Variants in HTRA3 observed in about 807,000 individuals in gnomAD.
HTRA3 encodes the protein serine protease HTRA3.
Under a neutral mutation model 43.2 loss-of-function variants are expected in HTRA3, and 41 were observed. The ratio of observed to expected loss-of-function variants is 0.95; its 90% CI spans 0.74 to 1.23. HTRA3 has a LOEUF of 1.23. Among genes scored for constraint, HTRA3 ranks in the 50% most tolerant of loss-of-function variants. The probability of loss-of-function intolerance (pLI) is 0.00; values close to 1 mark genes in which losing one functional copy is unlikely to be tolerated. For missense variants in HTRA3, 628 were observed against 647.1 expected (o/e 0.97, Z 0.32); for synonymous variants, 295 against 287.9 (o/e 1.02, Z -0.25).
In HTRA3 at chr4:8,279,273, C is replaced by A. The variant is rs190017642; in HGVS notation, c.386-3164C>A. ...GAAAAAAAGTCACTGTAACTTTACC[C>A]CAACCACAAATAACCACCATGTAGT... On this transcript the variant is annotated intron_variant, in intron 1 of 8. Coordinates refer to ENST00000307358, the MANE Select transcript of HTRA3 (RefSeq NM_053044.5). This position sits in a 1 kb window ranked among gnomAD's most constrained non-coding sequence, Gnocchi z 7.4. Among the ~76,000 whole-genome samples the A allele has an allele frequency of 4.5e-4, 68 of 152,346 alleles. No individual in the cohort carries two copies. The East Asian group carries it at 9.1e-3, about 20-fold the overall frequency.
chr4:8,302,148 T>G (rs970172666), intron 6 of HTRA3, among the ~76,000 whole-genome samples: 9 of 152,124 alleles, frequency 5.9e-5, no homozygotes, highest in African/African-American at 2.2e-4. Context: ...ACAGCCCCAC[T>G]GGCCACTGGG....
intron 1 of HTRA3, among the ~76,000 whole-genome samples, chr4:8,281,748 T>A (rs10938704): frequency 1.3e-5 from 2 of 152,206 alleles, no homozygotes; most frequent in South Asian, 2.1e-4. Flanking sequence ...CCACAGCCCC[T>A]ACTGCTGACG....
In HTRA3 at chr4:8,279,334, C is replaced by T. The variant is rs181089874; in HGVS notation, c.386-3103C>T. On this transcript the variant is annotated intron_variant, in intron 1 of 8. Transcript: ENST00000307358. This position sits in a 1 kb window ranked among gnomAD's most constrained non-coding sequence, Gnocchi z 7.4. ...TGTTTCCTGCAAGGCTTTTACTTAA[C>T]GAATATTTCACAGAGGGTTTTAAAA... Among the ~76,000 whole-genome samples the T allele has an allele frequency of 6.6e-6, 1 of 152,328 alleles. No individual in the cohort carries two copies. The highest frequency in any genetic ancestry group is 1.9e-4 in the East Asian group (1 of 5,190).
chr4:8,304,276 A>G lies in HTRA3; in HGVS notation c.1193A>G (p.Gln398Arg). 6.2e-7 allele frequency: 1 copy of G among 1,613,618 alleles called. No homozygotes were observed. Among genetic ancestry groups the G allele is most frequent in the South Asian group, 1.1e-5 (1 of 91,076 alleles). Residue 398 changes from glutamine (Q) to arginine (R), a missense_variant, in exon 8 of 9, where the codon CAG becomes CGG. Coordinates refer to ENST00000307358, the MANE Select transcript of HTRA3 (RefSeq NM_053044.5). ...VQEVAPNSPS[Q>R]RGGIQDGDII... ...GAGGTTGCGCCGAATTCACCTTCTC[A>G]GAGGTAGGCTCTGCCAGAGGAGATC...
intron 1 of HTRA3, among the ~76,000 whole-genome samples, chr4:8,273,130 C>T (rs994285626): frequency 6.6e-6 from 1 of 152,218 alleles, no homozygotes; most frequent in African/African-American, 2.4e-5. Context: ...GGAAGTGACC[C>T]GGCTGGGCCT....
intron 1 of HTRA3, among the ~76,000 whole-genome samples, chr4:8,281,695 G>A (rs112962788): frequency 0.046 from 7,046 of 152,360 alleles, 245 homozygotes; most frequent in Non-Finnish European, 0.075. Flanking sequence ...CGAGGGCTGT[G>A]GGCCCCGTGC....
chr4:8,277,430 G>A (rs558884947), intron 1 of HTRA3, among the ~76,000 whole-genome samples: 18 of 152,020 alleles, frequency 1.2e-4, no homozygotes, highest in African/African-American at 4.1e-4. Context: ...AGACGCAGGG[G>A]TGCAGGCCAC....
At position 8,295,994 on chromosome 4, in the gene HTRA3, C is replaced by G. The variant is rs1713440698; in HGVS notation, c.1051+1793C>G. 6 of 1,192,958 alleles carry G rather than the reference C, an allele frequency of 5.0e-6. No individual in the cohort carries two copies. The highest frequency in any genetic ancestry group is 6.2e-6 in the Non-Finnish European group (6 of 963,208). The allele number at this position is 1,192,958 out of a possible 1,614,324, so 73.9% of individuals were successfully genotyped here. ...CTGTTGGCTTCTAGGAAGCTCAGAG[C>G]TAGATTCAGGGGTGCACCCAGACCT... On this transcript the variant is annotated intron_variant, in intron 6 of 8. Transcript: ENST00000307358. This position sits in a 1 kb window ranked among gnomAD's most constrained non-coding sequence, Gnocchi z 6.9.
intron 7 of HTRA3, 127 bp from the exon 8 acceptor site, chr4:8,304,057 A>G: frequency 1.5e-6 from 1 of 658,458 alleles, no homozygotes; most frequent in Non-Finnish European, 2.7e-6. Flanking sequence ...GTGGTGGGAC[A>G]GGGCAGTATG....
At chr4:8,304,331 G>A (rs561622781) in intron 8 of HTRA3, 52 bp downstream of exon 8, 176 of 1,447,148 alleles carry the variant, frequency 1.2e-4, no homozygotes, top group Non-Finnish European at 1.7e-4. Context: ...CGTGAGGTCT[G>A]GGCTGGGGCT....
At chr4:8,289,698 T>A (rs1467726986) in intron 3 of HTRA3, among the ~76,000 whole-genome samples, 1 of 152,170 alleles carries the variant, frequency 6.6e-6, no homozygotes, top group East Asian at 1.9e-4. Flanking sequence ...AGGCATTAAA[T>A]CGAGCCATGG....
chr4:8,287,033 C>T (rs929649233), intron 3 of HTRA3, among the ~76,000 whole-genome samples: 4 of 152,222 alleles, frequency 2.6e-5, no homozygotes, highest in Admixed American at 2.6e-4. Flanking sequence ...GCATGTGGCC[C>T]ACAGTGGGTG....
Position 8,296,051 on chromosome 4 carries a change from G to C in HTRA3, c.1051+1850G>C. ...GCATGCTCCTTTCCCTAATGACCGA[G>C]TCTTTCCTGTTGAATTATCCCATTC... On this transcript the variant is annotated intron_variant, in intron 6 of 8. Transcript: ENST00000307358. This position sits in a 1 kb window ranked among gnomAD's most constrained non-coding sequence, Gnocchi z 5.3. 9.1e-7 allele frequency: 1 copy of C among 1,103,130 alleles called. No individual in the cohort carries two copies. The highest frequency in any genetic ancestry group is 1.6e-5 in the African/African-American group (1 of 61,468). 68.3% of individuals were successfully genotyped at this position (1,103,130 alleles called of 1,614,324 possible).
chr4:8,304,262 G>T lies in HTRA3; in HGVS notation c.1179G>T (p.Pro393=). Residue 393 remains proline (P), a synonymous_variant, in exon 8 of 9, where the codon CCG becomes CCT. Coordinates refer to ENST00000307358, the MANE Select transcript of HTRA3 (RefSeq NM_053044.5). ...GAATTTATGTGCAAGAGGTTGCGCC[G>T]AATTCACCTTCTCAGAGGTAGGCTC... ...SSGIYVQEVA[P]NSPSQRGGIQ... 1 of 1,614,014 alleles carries T rather than the reference G, an allele frequency of 6.2e-7. No individual in the cohort carries two copies. Among genetic ancestry groups the T allele is most frequent in the Non-Finnish European group, 8.5e-7 (1 of 1,179,878 alleles).
chr4:8,294,300 GC>G, intron 6 of HTRA3, 99 bp downstream of exon 6: 1 of 857,386 alleles, frequency 1.2e-6, no homozygotes, highest in Non-Finnish European at 1.8e-6. Context: ...CACCGGAGGT[GC>G]TGGGTGAACT....
In HTRA3 at chr4:8,278,878, AC is replaced by A. The variant is rs543428470; in HGVS notation, c.386-3556del. Among the ~76,000 whole-genome samples the A allele has an allele frequency of 2.2e-3, 336 of 152,246 alleles. 2 individuals are homozygous for A. The highest frequency in any genetic ancestry group is 7.7e-3 in the African/African-American group (321 of 41,536). On this transcript the variant is annotated intron_variant, in intron 1 of 8. Coordinates refer to ENST00000307358, the MANE Select transcript of HTRA3 (RefSeq NM_053044.5). ...GCTTGGAGACTTGGTTAATCAGCTG[AC>A]CCACATTCTTTCTTCAGGGTGCTCT... is the stretch of plus-strand genomic sequence containing the variant.
rs995022080 is a variant in HTRA3, at chr4:8,306,468, A to G, written c.*332A>G. On this transcript the variant is annotated 3_prime_UTR_variant, in exon 9 of 9. Coordinates refer to ENST00000307358, the MANE Select transcript of HTRA3 (RefSeq NM_053044.5). This position sits in a 1 kb window ranked among gnomAD's most constrained non-coding sequence, Gnocchi z 8.9. ...GCTTCCCGCCTCTGCCCCTGTGAAC[A>G]CCCATCTGCAGTATCCCCTGCTCCT... The G allele has an allele frequency of 4.6e-5, 11 of 240,506 alleles. No homozygotes were observed. The highest frequency in any genetic ancestry group is 2.3e-4 in the African/African-American group (10 of 43,804). 14.9% of individuals were successfully genotyped at this position (240,506 alleles called of 1,614,324 possible).
At chr4:8,280,121 G>C (rs1484040680) in intron 1 of HTRA3, among the ~76,000 whole-genome samples, 2 of 152,070 alleles carry the variant, frequency 1.3e-5, no homozygotes, top group Non-Finnish European at 2.9e-5. Context: ...GGTGTAGAGA[G>C]GTGGATGATG....
chr4:8,290,590 G>A (rs554144549), intron 3 of HTRA3, among the ~76,000 whole-genome samples: 9 of 152,350 alleles, frequency 5.9e-5, no homozygotes, highest in East Asian at 1.9e-4. Context: ...ATGTGGGTAC[G>A]AGCACAGAAC....
Sources: allele counts gnomAD v4.1 joint callset (sites outside exome capture counted in the v4.1 genomes callset), GRCh38; gene constraint gnomAD v4.1.1; non-coding constraint Gnocchi (gnomAD v3.1); transcripts MANE v1.5; gene names NCBI Gene and HGNC (gene_info 2026-07-23, HGNC 2026-07-21).